ARHGAP18: variants seen among roughly 807,000 people sequenced by gnomAD.
ARHGAP18 encodes the protein Rho GTPase activating protein 18, also known as rho GTPase-activating protein 18.
Under a neutral mutation model 86.2 loss-of-function variants are expected in ARHGAP18, and 67 were observed. The ratio of observed to expected loss-of-function variants is 0.78; its 90% confidence interval spans 0.64 to 0.95. The LOEUF (loss-of-function observed/expected upper bound fraction) is 0.95. Among genes scored for constraint, ARHGAP18 ranks in the 40% least tolerant of loss-of-function variants. ARHGAP18 has a pLI of 0.00. For missense variants in ARHGAP18, 691 were observed against 780.4 expected (o/e 0.89, Z 1.37); for synonymous variants, 283 against 280.4 (o/e 1.01, Z -0.09).
intron 1 of ARHGAP18, among the ~76,000 whole-genome samples, chr6:129,643,569 G>A (rs377448175): frequency 4.6e-5 from 7 of 152,108 alleles, no homozygotes; most frequent in East Asian, 1.9e-4. Context: ...TACAAGCAGC[G>A]TGAGAATGGA....
chr6:129,586,769 T>C (rs1788402186), intron 12 of ARHGAP18, among the ~76,000 whole-genome samples: 1 of 152,156 alleles, frequency 6.6e-6, no homozygotes. Flanking sequence ...CCTGGCCTTT[T>C]CCCCCACTAT....
At chr6:129,589,748 C>CAT (rs1788473579) in intron 12 of ARHGAP18, among the ~76,000 whole-genome samples, 1 of 152,140 alleles carries the variant, frequency 6.6e-6, no homozygotes, top group Non-Finnish European at 1.5e-5. Context: ...GAACTCATAG[C>CAT]ATAGATGAGT....
chr6:129,687,939 C>T (rs1774458978), intron 1 of ARHGAP18, among the ~76,000 whole-genome samples: 1 of 152,196 alleles, frequency 6.6e-6, no homozygotes. Context: ...GCCATCTCGT[C>T]ATCGAGAGCT....
At chr6:129,667,816 G>A (rs1379191812) in intron 1 of ARHGAP18, among the ~76,000 whole-genome samples, 1 of 152,042 alleles carries the variant, frequency 6.6e-6, no homozygotes, top group African/African-American at 2.4e-5. Context: ...GAAGGTTACT[G>A]AGCATTTAGA....
At chr6:129,657,429 T>TAAAAA (rs373569721) in intron 1 of ARHGAP18, among the ~76,000 whole-genome samples, 1 of 136,634 alleles carries the variant, frequency 7.3e-6, no homozygotes, top group Non-Finnish European at 1.6e-5. Context: ...TTTTTGAAAT[T>TAAAAA]AAAAAAAAAA....
intron 12 of ARHGAP18, among the ~76,000 whole-genome samples, chr6:129,588,602 T>C (rs772342799): frequency 6.6e-6 from 1 of 152,178 alleles, no homozygotes; most frequent in South Asian, 2.1e-4. Context: ...TCCAGGCACA[T>C]AGCAACAGCT....
chr6:129,708,929 A>G lies in ARHGAP18; in HGVS notation c.113+1095T>C, dbSNP rs143726631. Among the ~76,000 whole-genome samples the G allele has an allele frequency of 1.9e-3, 287 of 152,386 alleles. 1 individual carries two copies. The highest frequency in any genetic ancestry group is 6.5e-3 in the African/African-American group (271 of 41,594). On this transcript the variant is annotated intron_variant, in intron 1 of 14. Coordinates refer to ENST00000368149, the MANE Select transcript of ARHGAP18 (RefSeq NM_033515.3). The stretch of plus-strand genomic sequence containing the variant: ...TTATCTTTGGAAATGAATTCATTCA[A>G]TGAAATACATACTGTGGATGCTATG...
At chr6:129,693,125 C>A (rs1028685224) in intron 1 of ARHGAP18, among the ~76,000 whole-genome samples, 1 of 152,208 alleles carries the variant, frequency 6.6e-6, no homozygotes, top group South Asian at 2.1e-4. Context: ...ACTGTGAGAA[C>A]TCCAAGCTGT....
At chr6:129,616,151 AC>A (rs781692264) in intron 7 of ARHGAP18, 60 bp downstream of exon 7, 2 of 1,304,028 alleles carry the variant, frequency 1.5e-6, no homozygotes, top group Non-Finnish European at 2.1e-6. Flanking sequence ...TAATATGAAT[AC>A]AAAAACCACT....
rs367839869 is a variant in ARHGAP18 at position 129,608,060 on chromosome 6, G to A, written c.1123-8C>T. 3.0e-6 allele frequency: 3 copies of A among 1,013,082 alleles called. No homozygotes were observed. Among genetic ancestry groups the A allele is most frequent in the Non-Finnish European group, 4.0e-6 (3 of 752,116 alleles). 62.8% of individuals were successfully genotyped at this position (1,013,082 alleles called of 1,614,324 possible). On this transcript the variant is annotated splice_polypyrimidine_tract_variant and splice_region_variant and intron_variant, in intron 8 of 14. Coordinates refer to ENST00000368149, the MANE Select transcript of ARHGAP18 (RefSeq NM_033515.3). ...TAGTTCTTGGCAAAGATTCTGATAG[G>A]CACGAAAAAAAAAAAAAAAAAAAAA... is the stretch of plus-strand genomic sequence containing the variant.
chr6:129,674,522 G>A (rs547831269), intron 1 of ARHGAP18, among the ~76,000 whole-genome samples: 4 of 152,252 alleles, frequency 2.6e-5, no homozygotes, highest in African/African-American at 9.6e-5. Flanking sequence ...AAAATATTCA[G>A]GAAAAATAAA....
intron 4 of ARHGAP18, 111 bp downstream of exon 4, chr6:129,633,931 T>G (rs761449143): frequency 1.1e-6 from 1 of 930,660 alleles, no homozygotes; most frequent in Non-Finnish European, 1.6e-6. Flanking sequence ...TACATTAACA[T>G]TTTAATAGAA....
At chr6:129,676,294 C>G (rs192953455) in intron 1 of ARHGAP18, among the ~76,000 whole-genome samples, 4 of 152,296 alleles carry the variant, frequency 2.6e-5, no homozygotes, top group Admixed American at 2.0e-4. Flanking sequence ...TGCTTTCTAA[C>G]CACCCACAAA....
intron 12 of ARHGAP18, among the ~76,000 whole-genome samples, chr6:129,585,559 C>T (rs1043259248): frequency 2.0e-5 from 3 of 152,142 alleles, no homozygotes; most frequent in African/African-American, 7.2e-5. Context: ...AACAGCTAGA[C>T]CTGCAAAGGT....
intron 1 of ARHGAP18, among the ~76,000 whole-genome samples, chr6:129,686,790 T>C (rs1195573211): frequency 5.4e-4 from 73 of 135,076 alleles, no homozygotes; most frequent in African/African-American, 2.0e-3. Context: ...AATAAAACCT[T>C]TTTTTTTTTT....
At chr6:129,587,470 T>C (rs1788417720) in intron 12 of ARHGAP18, among the ~76,000 whole-genome samples, 1 of 152,196 alleles carries the variant, frequency 6.6e-6, no homozygotes, top group Non-Finnish European at 1.5e-5. Flanking sequence ...CTCGTGCTGC[T>C]ATGAAGAAAT....
At chr6:129,617,703 AT>A (rs375858984) in intron 6 of ARHGAP18, among the ~76,000 whole-genome samples, 25 of 152,172 alleles carry the variant, frequency 1.6e-4, no homozygotes, top group African/African-American at 5.5e-4. Flanking sequence ...TTTAAATTGT[AT>A]TTCTATTTTA....
chr6:129,584,348 A>G (rs1343520059), intron 12 of ARHGAP18, among the ~76,000 whole-genome samples: 1 of 152,254 alleles, frequency 6.6e-6, no homozygotes, highest in African/African-American at 2.4e-5. Context: ...TTAAAGATGT[A>G]AAGAATGACA....
intron 5 of ARHGAP18, among the ~76,000 whole-genome samples, chr6:129,625,031 A>T (rs1789321157): frequency 1.3e-5 from 1 of 77,342 alleles, no homozygotes; most frequent in African/African-American, 7.2e-5. Context: ...GATATATGAT[A>T]TATATTTATA....
Sources: allele counts gnomAD v4.1 joint callset (sites outside exome capture counted in the v4.1 genomes callset), GRCh38; gene constraint gnomAD v4.1.1; transcripts MANE v1.5; gene names NCBI Gene and HGNC (gene_info 2026-07-23, HGNC 2026-07-21).